Variants in ESYT2 observed in about 807,000 individuals in gnomAD.
ESYT2 encodes the protein extended synaptotagmin-2.
Under a neutral mutation model 107.2 loss-of-function variants are expected in ESYT2, and 54 were observed. The observed-to-expected ratio is 0.50, with a 90% CI of 0.40 to 0.63. The LOEUF (loss-of-function observed/expected upper bound fraction) is 0.63. ESYT2 is among the 30% of genes least tolerant of loss of function. The probability of loss-of-function intolerance (pLI) is 0.00; values close to 1 mark genes in which losing one functional copy is unlikely to be tolerated. For missense variants in ESYT2, 1,020 were observed against 1,094.5 expected (o/e 0.93, Z 0.96); for synonymous variants, 491 against 434.1 (o/e 1.13, Z -1.63).
intron 21 of ESYT2, among the ~76,000 whole-genome samples, chr7:158,734,890 C>G (rs1047208226): frequency 1.3e-5 from 2 of 152,236 alleles, no homozygotes; most frequent in African/African-American, 2.4e-5. Flanking sequence ...GGAATATGGA[C>G]TCTCCCTTTT....
chr7:158,804,517 A>G (rs1284128849), intron 1 of ESYT2, among the ~76,000 whole-genome samples: 315 of 57,404 alleles, frequency 5.5e-3, no homozygotes, highest in Middle Eastern at 0.019. Flanking sequence ...TGCTGAGAAA[A>G]GTGAGGCGCG....
intron 10 of ESYT2, 62 bp from the exon 11 acceptor site, chr7:158,761,606 T>A (rs1837966539): frequency 6.9e-7 from 1 of 1,457,126 alleles, no homozygotes; most frequent in African/African-American, 1.4e-5. Context: ...TGAAACAACT[T>A]TAAAACATAG....
chr7:158,734,168 G>A lies in ESYT2; in HGVS notation c.*39C>T, dbSNP rs1437151453. The A allele has an allele frequency of 3.7e-6, 6 of 1,612,498 alleles. No individual in the cohort carries two copies. The highest frequency in any genetic ancestry group is 4.2e-6 in the Non-Finnish European group (5 of 1,178,820). ...AGAGGGTGTGTTCCGGGTAGAGGTG[G>A]AGAGCTACGCTGAAGAGGACGCCTC... On this transcript the variant is annotated 3_prime_UTR_variant, in exon 23 of 23. Coordinates refer to ENST00000275418, the MANE Select transcript of ESYT2 (RefSeq NM_001367773.1).
At chr7:158,796,697 G>A (rs1483613246) in intron 3 of ESYT2, among the ~76,000 whole-genome samples, 1 of 152,230 alleles carries the variant, frequency 6.6e-6, no homozygotes, top group East Asian at 1.9e-4. Context: ...GAAGGCAGCA[G>A]GATGGCCTCC....
intron 1 of ESYT2, among the ~76,000 whole-genome samples, chr7:158,826,326 C>T (rs1376161920): frequency 2.6e-5 from 4 of 152,112 alleles, no homozygotes; most frequent in Admixed American, 1.3e-4. Flanking sequence ...CTTCAAGAAG[C>T]GTCTTAAGCA....
At chr7:158,739,557 AGGCTG>A (rs1381779387) in intron 18 of ESYT2, among the ~76,000 whole-genome samples, 1 of 152,200 alleles carries the variant, frequency 6.6e-6, no homozygotes, top group Non-Finnish European at 1.5e-5. Flanking sequence ...CATGTTGGCC[AGGCTG>A]GTCTCAAATT....
At chr7:158,824,653 G>A (rs1840385753) in intron 1 of ESYT2, among the ~76,000 whole-genome samples, 1 of 152,040 alleles carries the variant, frequency 6.6e-6, no homozygotes, top group Non-Finnish European at 1.5e-5. Context: ...CAAGTATGAG[G>A]GTAATAAAAG....
chr7:158,790,043 G>A (rs1839236995), intron 4 of ESYT2, among the ~76,000 whole-genome samples: 1 of 116,318 alleles, frequency 8.6e-6, no homozygotes, highest in Non-Finnish European at 1.7e-5. Context: ...CCTCCTGGGG[G>A]CGGAGCGTCC....
intron 18 of ESYT2, 126 bp downstream of exon 18, chr7:158,741,396 TA>T: frequency 7.2e-7 from 1 of 1,379,792 alleles, no homozygotes; most frequent in Non-Finnish European, 9.6e-7. Flanking sequence ...TCAGTTAACC[TA>T]AGATTAGGCC....
rs1430569149 is a variant in ESYT2, at chr7:158,829,032, C to A, written c.330+57G>T. On this transcript the variant is annotated intron_variant, in intron 1 of 22. Coordinates refer to ENST00000275418, the MANE Select transcript of ESYT2 (RefSeq NM_001367773.1). The stretch of plus-strand genomic sequence containing the variant: ...GCGGGGAGGGGAGTGCCTGCCTGGA[C>A]GAGGGGAGATCGGGACTGGTGGTCA... 3.9e-6 allele frequency: 6 copies of A among 1,548,178 alleles called. 1 individual carries two copies. In the Admixed American group the frequency reaches 1.1e-4, roughly 29 times the overall value.
intron 1 of ESYT2, 107 bp downstream of exon 1, chr7:158,828,982 T>G (rs1840546267): frequency 2.0e-6 from 3 of 1,476,320 alleles, no homozygotes; most frequent in East Asian, 2.6e-5. Context: ...AGGGCTGGGG[T>G]CTGCACTCAC....
chr7:158,782,151 G>C (rs939977475), intron 6 of ESYT2, among the ~76,000 whole-genome samples: 3 of 149,516 alleles, frequency 2.0e-5, no homozygotes, highest in Admixed American at 6.6e-5. Flanking sequence ...GAGTGAACAA[G>C]TGTGAGTGTG....
chr7:158,779,337 C>T (rs927664729), intron 6 of ESYT2, among the ~76,000 whole-genome samples: 1 of 152,148 alleles, frequency 6.6e-6, no homozygotes, highest in African/African-American at 2.4e-5. Flanking sequence ...TCTATGATTC[C>T]TTCTGTGAAC....
intron 18 of ESYT2, 96 bp downstream of exon 18, chr7:158,741,427 G>A (rs551551983): frequency 3.4e-6 from 5 of 1,476,840 alleles, no homozygotes; most frequent in East Asian, 4.6e-5. Flanking sequence ...AAAGCATGCC[G>A]GCCTCATGCT....
chr7:158,810,796 G>A (rs1839973067), intron 1 of ESYT2, among the ~76,000 whole-genome samples: 3 of 152,164 alleles, frequency 2.0e-5, no homozygotes, highest in South Asian at 4.1e-4. Context: ...GGTGGCTAGG[G>A]TAGGCGTGAC....
intron 18 of ESYT2, among the ~76,000 whole-genome samples, chr7:158,739,798 C>T (rs79801010): frequency 3.3e-5 from 5 of 151,852 alleles, no homozygotes; most frequent in African/African-American, 9.7e-5. Context: ...TTATACCCCC[C>T]CCTTCGCAGT....
chr7:158,789,388 G>A (rs904705459), intron 4 of ESYT2, among the ~76,000 whole-genome samples: 7 of 149,150 alleles, frequency 4.7e-5, no homozygotes, highest in East Asian at 1.9e-4. Context: ...ATGGAGTCTC[G>A]CTCTGTTGCC....
intron 1 of ESYT2, among the ~76,000 whole-genome samples, chr7:158,825,225 A>G (rs1840404805): frequency 6.6e-6 from 1 of 152,218 alleles, no homozygotes; most frequent in Non-Finnish European, 1.5e-5. Flanking sequence ...CCCGGGAGGC[A>G]GAGGTTGCGG....
At chr7:158,751,152 G>A (rs750086316) in intron 14 of ESYT2, among the ~76,000 whole-genome samples, 13 of 152,060 alleles carry the variant, frequency 8.5e-5, no homozygotes, top group Non-Finnish European at 1.3e-4. Context: ...CTTTTTGGGG[G>A]AGGTTGGCAG....
Sources: gnomAD v4.1 joint callset for allele counts (sites outside exome capture counted in the v4.1 genomes callset) on GRCh38, gnomAD v4.1.1 for gene constraint, MANE v1.5 for transcripts, NCBI Gene and HGNC (gene_info 2026-07-23, HGNC 2026-07-21) for gene names.